The following ZGPAT variants were observed in gnomAD, a reference collection of about 807,000 sequenced individuals.
ZGPAT encodes zinc finger CCCH-type and G-patch domain containing.
A neutral mutation model predicts 47.9 loss-of-function variants in ZGPAT; 39 were observed. The ratio of observed to expected loss-of-function variants is 0.81; its 90% CI spans 0.63 to 1.06. The LOEUF is 1.06. Among genes scored for constraint, ZGPAT ranks in the 50% least tolerant of loss-of-function variants. ZGPAT has a pLI of 0.00. For missense variants in ZGPAT, 717 were observed against 681.4 expected, an observed-to-expected ratio of 1.05 and a Z score of -0.58; for synonymous variants, 348 against 292.9, an observed-to-expected ratio of 1.19 and a Z score of -1.92.
At chr20:63,732,375 T>C (rs114705459) in intron 2 of ZGPAT, among the ~76,000 whole-genome samples, 7,739 of 146,124 alleles carry the variant, frequency 0.053, 756 homozygotes, top group African/African-American at 0.19. Flanking sequence ...AGGGTGTGTG[T>C]GCGCGCATGT....
At chr20:63,708,420 C>T (rs971828333) in intron 1 of ZGPAT, 133 bp from the exon 2 acceptor site, 5 of 618,744 alleles carry the variant, frequency 8.1e-6, no homozygotes, top group Middle Eastern at 4.6e-4. Flanking sequence ...CGGGCTGCGA[C>T]CTCTGCGCTG....
Position 63,734,711 on chromosome 20 carries a change from G to T in ZGPAT, c.878G>T (p.Gly293Val), listed in dbSNP as rs759991028. 8 of 1,613,832 alleles carry T rather than the reference G, an allele frequency of 5.0e-6. No homozygotes were observed. The highest frequency in any genetic ancestry group is 6.8e-6 in the Non-Finnish European group (8 of 1,179,920). Residue 293 changes from glycine (G) to valine (V), a missense_variant, in exon 5 of 7, where the codon GGG (glycine) becomes GTG (valine). Coordinates refer to ENST00000355969, the MANE Select transcript of ZGPAT (RefSeq NM_181485.3). ...CTCTGTCCGTCTCTTGCAGTGGTGG[G>T]GTCAGATGCTGTGGACTCTGGGACC... ...TGDSSYARVV[G>V]SDAVDSGTCS...
intron 2 of ZGPAT, among the ~76,000 whole-genome samples, chr20:63,725,835 A>G (rs75313199): frequency 8.3e-5 from 7 of 84,234 alleles, no homozygotes; most frequent in Non-Finnish European, 1.6e-4. Context: ...TTATTTATTT[A>G]TTTTTTAATT....
At chr20:63,722,335 T>C (rs1007416756) in intron 2 of ZGPAT, among the ~76,000 whole-genome samples, 2 of 152,220 alleles carry the variant, frequency 1.3e-5, no homozygotes, top group African/African-American at 4.8e-5. Flanking sequence ...GACACCAGAG[T>C]TACAGAAAAG....
At chr20:63,717,004 A>T (rs1402311936) in intron 2 of ZGPAT, among the ~76,000 whole-genome samples, 1 of 151,950 alleles carries the variant, frequency 6.6e-6, no homozygotes, top group African/African-American at 2.4e-5. Context: ...TTTAGTAGAG[A>T]TGGGGTTTCT....
intron 2 of ZGPAT, among the ~76,000 whole-genome samples, chr20:63,710,385 C>G (rs936597055): frequency 6.6e-6 from 1 of 151,850 alleles, no homozygotes; most frequent in African/African-American, 2.4e-5. Context: ...AACTCCTGAC[C>G]TCGTGATCCA....
intron 1 of ZGPAT, 69 bp from the exon 2 acceptor site, chr20:63,708,484 C>A: frequency 8.5e-7 from 1 of 1,176,290 alleles, no homozygotes; most frequent in Non-Finnish European, 1.2e-6. Context: ...CGTGCCCGTG[C>A]CCGTGCCCGC....
At position 63,735,693 on chromosome 20, in the gene ZGPAT, G is replaced by A. The variant is rs558508024; in HGVS notation, c.1398-88G>A. ...GGAGGGGTCTGCATGTTGGAGGACG[G>A]GCAGCGGGCACACAGGCAGTGGGTA... On this transcript the variant is annotated intron_variant, in intron 6 of 6. Coordinates refer to ENST00000355969, the MANE Select transcript of ZGPAT (RefSeq NM_181485.3). 6 of 1,534,210 alleles carry A rather than the reference G, an allele frequency of 3.9e-6. No individual in the cohort carries two copies. The African/African-American group carries it at 8.2e-5, about 21-fold the overall frequency.
chr20:63,730,954 CTCTCTCTCTCTCTCTCTG>C (rs1265976305), intron 2 of ZGPAT, among the ~76,000 whole-genome samples: 33 of 137,240 alleles, frequency 2.4e-4, no homozygotes, highest in African/African-American at 9.0e-4. Context: ...CTCTCTCTCT[CTCTCTCTCTCTCTCTCTG>C]TGTGTGTGTG....
At chr20:63,727,937 T>G (rs2091861231) in intron 2 of ZGPAT, among the ~76,000 whole-genome samples, 1 of 152,164 alleles carries the variant, frequency 6.6e-6, no homozygotes, top group African/African-American at 2.4e-5. Flanking sequence ...TTCCTGAGTC[T>G]TGTGTTCTGT....
intron 2 of ZGPAT, among the ~76,000 whole-genome samples, chr20:63,732,996 GTGT>G (rs2091936236): frequency 6.6e-6 from 1 of 151,604 alleles, no homozygotes; most frequent in South Asian, 2.1e-4. Flanking sequence ...GTATGTGCGT[GTGT>G]ATATGTGCAT....
chr20:63,711,954 T>C (rs894783418), intron 2 of ZGPAT, among the ~76,000 whole-genome samples: 8 of 152,198 alleles, frequency 5.3e-5, no homozygotes, highest in Non-Finnish European at 1.2e-4. Context: ...TTGCTCCCAT[T>C]GTTTGGGTTG....
In ZGPAT at chr20:63,735,418, G is replaced by T; in HGVS notation, c.1251G>T (p.Ala417=). The T allele has an allele frequency of 1.3e-6, 2 of 1,571,316 alleles. No homozygotes were observed. Among genetic ancestry groups the T allele is most frequent in the East Asian group, 2.3e-5 (1 of 44,128 alleles). ...PGALEAGAAP[A]GRRSKDMYHA... The stretch of plus-strand genomic sequence containing the variant: ...CCCTAGAAGCCGGGGCGGCCCCAGC[G>T]GGGAGGAGGAGCAAGGACATGTACC... The change falls in exon 6 of 7, where the codon GCG becomes GCT. Residue 417 remains alanine (A), a synonymous_variant. Coordinates refer to ENST00000355969, the MANE Select transcript of ZGPAT (RefSeq NM_181485.3).
At chr20:63,731,610 TTGG>T (rs1159369037) in intron 2 of ZGPAT, among the ~76,000 whole-genome samples, 3 of 151,450 alleles carry the variant, frequency 2.0e-5, no homozygotes, top group Admixed American at 6.6e-5. Flanking sequence ...CAGTTGGCCC[TTGG>T]TGTGTGTGTG....
At position 63,734,769 on chromosome 20, in the gene ZGPAT, C is replaced by T. The variant is rs1303101325; in HGVS notation, c.936C>T (p.His312=). 2 of 1,613,538 alleles carry T rather than the reference C, an allele frequency of 1.2e-6. No homozygotes were observed. Among genetic ancestry groups the T allele is most frequent in the Admixed American group, 3.3e-5 (2 of 59,932 alleles). ...CTGCCTTTGCTGGCTGGGAGGTGCA[C>T]ACGCGAGGTATAGGCTCCAGACTCC... The part of the protein sequence containing the change: ...CSSAFAGWEV[H]TRGIGSRLLT... Residue 312 remains histidine (H), a synonymous_variant, in exon 5 of 7, where the codon CAC becomes CAT. Coordinates refer to ENST00000355969, the MANE Select transcript of ZGPAT (RefSeq NM_181485.3).
intron 2 of ZGPAT, among the ~76,000 whole-genome samples, chr20:63,713,635 C>T (rs552868417): frequency 6.6e-6 from 1 of 151,422 alleles, no homozygotes; most frequent in East Asian, 2.0e-4. Flanking sequence ...CTTTGGGAGG[C>T]CAAGGCGGGT....
intron 2 of ZGPAT, among the ~76,000 whole-genome samples, chr20:63,725,477 A>G (rs1182697774): frequency 2.6e-5 from 4 of 152,154 alleles, no homozygotes; most frequent in Non-Finnish European, 5.9e-5. Flanking sequence ...TCATCTGTCA[A>G]ATTGTCCCTT....
chr20:63,723,190 C>T (rs1439633511), intron 2 of ZGPAT, among the ~76,000 whole-genome samples: 5 of 148,048 alleles, frequency 3.4e-5, no homozygotes, highest in African/African-American at 1.0e-4. Context: ...CTCCCTTCTC[C>T]TCTGACATAG....
chr20:63,734,628 C>T (rs1401498670), intron 4 of ZGPAT, 77 bp from the exon 5 acceptor site: 1 of 1,582,722 alleles, frequency 6.3e-7, no homozygotes, highest in Admixed American at 1.8e-5. Flanking sequence ...CCACTGCCCT[C>T]TGTCCATCTC....
Sources: allele counts gnomAD v4.1 joint callset (sites outside exome capture counted in the v4.1 genomes callset), GRCh38; gene constraint gnomAD v4.1.1; transcripts MANE v1.5; gene names NCBI Gene and HGNC (gene_info 2026-07-23, HGNC 2026-07-21).